ITPKC: variants seen among roughly 807,000 people sequenced by gnomAD.
ITPKC encodes the protein IP3 3-kinase C.
ITPKC carries 33 observed loss-of-function variants against 67.1 expected under a neutral mutation model. The ratio of observed to expected loss-of-function variants is 0.49; its 90% CI spans 0.37 to 0.66. The LOEUF is 0.66. Ranked by LOEUF, ITPKC falls within the 30% of genes least tolerant of loss-of-function variation. The pLI is 0.00. For synonymous variants in ITPKC, 341 were observed against 359.8 expected, an observed-to-expected ratio of 0.95 and a Z score of 0.59; for missense variants, 820 against 892.1, an observed-to-expected ratio of 0.92 and a Z score of 1.03.
rs2082318170 is a variant in ITPKC at position 40,740,204 on chromosome 19, A to T, written c.*644A>T. ...TCCTGCCCTGCTGTGGCCCTGTGGGATCCTCCGTGTTCCTCGGCGGACTCT... is the reference window on the plus strand; with the variant it reads ...TCCTGCCCTGCTGTGGCCCTGTGGGTTCCTCCGTGTTCCTCGGCGGACTCT... On this transcript the variant is annotated 3_prime_UTR_variant, in exon 7 of 7. Coordinates refer to ENST00000263370, the MANE Select transcript of ITPKC (RefSeq NM_025194.3). 6.5e-6 allele frequency: 1 copy of T among 152,908 alleles called. No homozygotes were observed. The highest frequency in any genetic ancestry group is 1.5e-5 in the Non-Finnish European group (1 of 68,426). 9.5% of individuals were successfully genotyped at this position (152,908 alleles called of 1,614,324 possible). A position where few individuals can be genotyped will look rare whatever the true frequency, so the allele number is the denominator to read the frequency against.
At position 40,725,414 on chromosome 19, in the gene ITPKC, T is replaced by C. The variant is rs774285868; in HGVS notation, c.1230T>C (p.Pro410=). ...PFVVSFRKHY[P]WVQLSGHAGN... is the part of the protein sequence containing the mutation. Reference sequence around the variant, plus strand: ...TGGTCTCCTTCCGAAAACACTACCCTTGGGTCCAGCTTTCTGGACATGCTG... The same window carrying C: ...TGGTCTCCTTCCGAAAACACTACCCCTGGGTCCAGCTTTCTGGACATGCTG... The change falls in exon 2 of 7, where the codon CCT becomes CCC. Residue 410 remains proline (P), a synonymous_variant. Coordinates refer to ENST00000263370, the MANE Select transcript of ITPKC (RefSeq NM_025194.3). 7 of 1,612,274 alleles carry C rather than the reference T, an allele frequency of 4.3e-6. No homozygotes were observed. In the Middle Eastern group the frequency reaches 6.6e-4, roughly 152 times the overall value.
At chr19:40,737,471 C>T (rs1352292968) in intron 5 of ITPKC, among the ~76,000 whole-genome samples, 7 of 152,318 alleles carry the variant, frequency 4.6e-5, no homozygotes, top group Admixed American at 6.5e-5. Context: ...GAGACAGACT[C>T]CGCCTCCGGA....
intron 1 of ITPKC, among the ~76,000 whole-genome samples, chr19:40,719,960 T>G (rs2082213797): frequency 6.6e-6 from 1 of 152,102 alleles, no homozygotes. Context: ...TTTTTAGTCT[T>G]TTTTGTCAAT....
intron 2 of ITPKC, among the ~76,000 whole-genome samples, chr19:40,728,744 C>T (rs891293396): frequency 2.6e-5 from 4 of 152,098 alleles, no homozygotes; most frequent in Non-Finnish European, 5.9e-5. Flanking sequence ...TTAAGAGTTG[C>T]GGCCTGGGCA....
Position 40,717,333 on chromosome 19 carries a change from C to T in ITPKC, c.198C>T (p.Ser66=), listed in dbSNP as rs756503802. 9.4e-6 allele frequency: 15 copies of T among 1,602,738 alleles called. No homozygotes were observed. Among genetic ancestry groups the T allele is most frequent in the Non-Finnish European group, 1.3e-5 (15 of 1,176,398 alleles). ...CCTGGGCCCGGACAGAGGGGTCCAG[C>T]CTCCACAGCGAGCCTGAGAGGGCCG... ...GGPWARTEGS[S]LHSEPERAGL... is the part of the protein sequence containing the mutation. The change falls in exon 1 of 7, where the codon AGC becomes AGT. Residue 66 remains serine, a synonymous_variant. Coordinates refer to ENST00000263370, the MANE Select transcript of ITPKC (RefSeq NM_025194.3).
intron 2 of ITPKC, among the ~76,000 whole-genome samples, chr19:40,726,183 G>A (rs1465863791): frequency 6.6e-6 from 1 of 152,122 alleles, no homozygotes; most frequent in Non-Finnish European, 1.5e-5. Flanking sequence ...GAAGGTTGCA[G>A]TGAGCCAAGA....
At chr19:40,724,966 A>G (rs1022955567) in intron 1 of ITPKC, among the ~76,000 whole-genome samples, 8 of 150,420 alleles carry the variant, frequency 5.3e-5, no homozygotes, top group African/African-American at 2.0e-4. Context: ...AAAAAAAAGA[A>G]GATTTGGAAC....
At chr19:40,731,597 T>G (rs961188218) in intron 3 of ITPKC, among the ~76,000 whole-genome samples, 10 of 121,836 alleles carry the variant, frequency 8.2e-5, no homozygotes, top group African/African-American at 3.0e-4. Flanking sequence ...AATCCTTGGT[T>G]TTTTTTTTTT....
intron 1 of ITPKC, among the ~76,000 whole-genome samples, chr19:40,721,516 G>A (rs776925466): frequency 3.3e-5 from 5 of 151,722 alleles, no homozygotes; most frequent in Non-Finnish European, 7.4e-5. Context: ...GACTACAAGC[G>A]CACGCCACCA....
Position 40,717,617 on chromosome 19 carries a change from C to G in ITPKC, c.482C>G (p.Ala161Gly). ...GACCTCCAGTTTCAGCCCGAGGAGG[C>G]CAGCCCCTGGACACAGCCAGGGGTT... The part of the protein sequence containing the change: ...RSDLQFQPEE[A>G]SPWTQPGVHG... Residue 161 changes from alanine (A) to glycine (G), a missense_variant, in exon 1 of 7, where the codon GCC (alanine) becomes GGC (glycine). Physicochemically the swap from Ala to Gly is moderately conservative, Grantham distance 60. Coordinates refer to ENST00000263370, the MANE Select transcript of ITPKC (RefSeq NM_025194.3). 1 of 1,614,150 alleles carries G rather than the reference C, an allele frequency of 6.2e-7. No homozygotes were observed. Among genetic ancestry groups the G allele is most frequent in the Admixed American group, 1.7e-5 (1 of 60,022 alleles).
rs983722236 is a variant in ITPKC, at chr19:40,725,356, A to G, written c.1172A>G (p.Lys391Arg). 20 of 1,613,622 alleles carry G rather than the reference A, an allele frequency of 1.2e-5. No individual in the cohort carries two copies. The highest frequency in any genetic ancestry group is 1.7e-5 in the Non-Finnish European group (20 of 1,179,456). ...EDRSGSKPWK[K>R]LKTVLKYSPF... is the part of the protein sequence containing the mutation. ...TCCCTACAGAGCAAACCCTGGAAGA[A>G]GCTGAAGACAGTTCTGAAGTATTCA... is the stretch of plus-strand genomic sequence containing the variant. Residue 391 changes from lysine to arginine, a missense_variant, in exon 2 of 7, where the codon AAG becomes AGG. Transcript: ENST00000263370.
intron 4 of ITPKC, among the ~76,000 whole-genome samples, chr19:40,734,271 G>C (rs935853295): frequency 4.6e-5 from 7 of 152,112 alleles, no homozygotes; most frequent in African/African-American, 1.7e-4. Flanking sequence ...CCTATAGACA[G>C]ACACCTGGGT....
At chr19:40,737,642 TG>T in intron 5 of ITPKC, 55 bp from the exon 6 acceptor site, 1 of 1,491,088 alleles carries the variant, frequency 6.7e-7, no homozygotes. Flanking sequence ...GAGCTCAAGG[TG>T]GGCAAGGCCC....
Position 40,740,241 on chromosome 19 carries a change from G to A in ITPKC, c.*681G>A. The A allele has an allele frequency of 6.5e-6, 1 of 153,272 alleles. No individual in the cohort carries two copies. The highest frequency in any genetic ancestry group is 1.5e-5 in the Non-Finnish European group (1 of 68,488). 9.5% of individuals were successfully genotyped at this position (153,272 alleles called of 1,614,324 possible). A position where few individuals can be genotyped will look rare whatever the true frequency, so the allele number is the denominator to read the frequency against. ...CCTCGGCGGACTCTGCTGACCTCCT[G>A]CAGACCCAAACCACAGCCACATCCC... On this transcript the variant is annotated 3_prime_UTR_variant, in exon 7 of 7. Coordinates refer to ENST00000263370, the MANE Select transcript of ITPKC (RefSeq NM_025194.3).
At chr19:40,719,627 C>T (rs1321636911) in intron 1 of ITPKC, among the ~76,000 whole-genome samples, 1 of 151,846 alleles carries the variant, frequency 6.6e-6, no homozygotes, top group Non-Finnish European at 1.5e-5. Flanking sequence ...GTAGGTGAGA[C>T]ACCAGGTGCC....
At chr19:40,727,918 G>A (rs552687219) in intron 2 of ITPKC, among the ~76,000 whole-genome samples, 2 of 152,280 alleles carry the variant, frequency 1.3e-5, no homozygotes, top group Admixed American at 1.3e-4. Context: ...GGCCTTAAAG[G>A]ATCCTCCTGC....
intron 1 of ITPKC, among the ~76,000 whole-genome samples, chr19:40,722,927 C>A (rs1280895303): frequency 6.6e-6 from 1 of 151,894 alleles, no homozygotes; most frequent in Non-Finnish European, 1.5e-5. Flanking sequence ...CAGGTGCACA[C>A]CACCACGCCT....
intron 2 of ITPKC, among the ~76,000 whole-genome samples, chr19:40,725,895 G>A (rs2082244362): frequency 6.6e-6 from 1 of 151,816 alleles, no homozygotes; most frequent in Non-Finnish European, 1.5e-5. Flanking sequence ...CTTGAGCCCA[G>A]GAGTTTAAGA....
intron 1 of ITPKC, among the ~76,000 whole-genome samples, chr19:40,721,455 C>T (rs1007393038): frequency 9.9e-5 from 15 of 151,614 alleles, no homozygotes; most frequent in African/African-American, 3.6e-4. Context: ...ACTGCAACCT[C>T]AGCCTCCCGG....
Sources: gnomAD v4.1 joint callset for allele counts (sites outside exome capture counted in the v4.1 genomes callset) on GRCh38, gnomAD v4.1.1 for gene constraint, MANE v1.5 for transcripts, NCBI Gene and HGNC (gene_info 2026-07-23, HGNC 2026-07-21) for gene names.